The following GPR26 variants were observed in gnomAD, a reference collection of about 807,000 sequenced individuals.
The protein encoded by GPR26 is G protein-coupled receptor 26.
A neutral mutation model predicts 23.1 loss-of-function variants in GPR26; 15 were observed. That is an observed-to-expected ratio of 0.65 (90% CI 0.43 to 1.00). GPR26 has a LOEUF of 1.00. GPR26 is among the 50% of genes least tolerant of loss of function. The pLI is 0.00. For missense variants in GPR26, 359 were observed against 470.5 expected (o/e 0.76, Z 2.19); for synonymous variants, 228 against 222.1 (o/e 1.03, Z -0.24).
chr10:123,673,957 TTTG>T (rs1165722380), intron 1 of GPR26, among the ~76,000 whole-genome samples: 3 of 151,918 alleles, frequency 2.0e-5, no homozygotes, highest in Non-Finnish European at 4.4e-5. Context: ...TTTCTTCTTT[TTTG>T]TTGTTGTCGT....
In GPR26 at chr10:123,666,530, G is replaced by C. The variant is rs1427549866; in HGVS notation, c.123G>C (p.Pro41=). ...LHSADIRRQA[P]ALFTLNLTCG... is the part of the protein sequence containing the mutation. ...GCGCGGACATCCGCCGCCAGGCGCC[G>C]GCGCTCTTCACCCTGAACCTCACGT... Residue 41 remains proline, a synonymous_variant, in exon 1 of 3, where the codon CCG becomes CCC. Transcript: ENST00000284674. The C allele has an allele frequency of 4.4e-6, 7 of 1,587,456 alleles. No individual in the cohort carries two copies. In the African/African-American group the frequency reaches 5.4e-5, roughly 12 times the overall value.
intron 2 of GPR26, among the ~76,000 whole-genome samples, chr10:123,681,253 G>A (rs545600283): frequency 1.4e-4 from 21 of 152,210 alleles, no homozygotes; most frequent in Non-Finnish European, 1.8e-4. Context: ...ACCGGCGGCC[G>A]TGCCCAGCCC....
rs976883447 is a variant in GPR26, at chr10:123,689,419, G to C, written c.*1259G>C. 6.6e-6 allele frequency: 1 copy of C among 152,164 alleles called. No individual in the cohort carries two copies. Among genetic ancestry groups the C allele is most frequent in the Admixed American group, 6.6e-5 (1 of 15,266 alleles). The allele number at this position is 152,164 out of a possible 1,614,324, so 9.4% of individuals were successfully genotyped here. A position where few individuals can be genotyped will look rare whatever the true frequency, so the allele number is the denominator to read the frequency against. ...TAAAACACATGCCAATCTGTTAGCA[G>C]TCCTGACTTGATTTAATAAAAACCA... On this transcript the variant is annotated 3_prime_UTR_variant, in exon 3 of 3. Transcript: ENST00000284674.
rs1402902006 is a variant in GPR26, at chr10:123,690,418, C to G, written c.*2258C>G. On this transcript the variant is annotated 3_prime_UTR_variant, in exon 3 of 3. Coordinates refer to ENST00000284674, the MANE Select transcript of GPR26 (RefSeq NM_153442.4). ...TGGGAGAATAACTGTGGCACATGCT[C>G]TTTCTGCTTTCTCTGTACTGTATAG... The G allele has an allele frequency of 6.6e-6, 1 of 152,236 alleles. No individual in the cohort carries two copies. Among genetic ancestry groups the G allele is most frequent in the African/African-American group, 2.4e-5 (1 of 41,444 alleles). The allele number at this position is 152,236 out of a possible 1,614,324, so 9.4% of individuals were successfully genotyped here. A position where few individuals can be genotyped will look rare whatever the true frequency, so the allele number is the denominator to read the frequency against.
chr10:123,670,144 C>T (rs73379621), intron 1 of GPR26, among the ~76,000 whole-genome samples: 1,554 of 152,304 alleles, frequency 0.01, 29 homozygotes, highest in African/African-American at 0.036. Flanking sequence ...GGAGCTTCCT[C>T]TGAGGCTGCC....
At position 123,688,012 on chromosome 10, in the gene GPR26, C is replaced by T. The variant is rs1845447682; in HGVS notation, c.866C>T (p.Ser289Phe). Residue 289 changes from serine to phenylalanine, a missense_variant, in exon 3 of 3, where the codon TCC (serine) becomes TTC (phenylalanine). By Grantham distance (155) the Ser-to-Phe change is radical (BLOSUM62 -2). Coordinates refer to ENST00000284674, the MANE Select transcript of GPR26 (RefSeq NM_153442.4). The stretch of plus-strand genomic sequence containing the variant: ...TGCTTGGCGTACAGCAAGGCCGCAT[C>T]CGACCCCTTTGTGTACTCCTTACTG... ...SKCLAYSKAA[S>F]DPFVYSLLRH... The T allele has an allele frequency of 3.1e-6, 5 of 1,614,014 alleles. No homozygotes were observed. The highest frequency in any genetic ancestry group is 1.7e-5 in the Admixed American group (1 of 60,028).
chr10:123,671,314 C>T (rs986504791), intron 1 of GPR26, among the ~76,000 whole-genome samples: 3 of 152,220 alleles, frequency 2.0e-5, no homozygotes, highest in Non-Finnish European at 4.4e-5. Context: ...ACATCTCTTC[C>T]ACCCCACATG....
chr10:123,685,150 G>C (rs1845417613), intron 2 of GPR26, among the ~76,000 whole-genome samples: 1 of 152,164 alleles, frequency 6.6e-6, no homozygotes, highest in Non-Finnish European at 1.5e-5. Context: ...CTACTGACAT[G>C]TGACTGGGCA....
chr10:123,683,701 C>A (rs1431912153), intron 2 of GPR26, among the ~76,000 whole-genome samples: 1 of 152,186 alleles, frequency 6.6e-6, no homozygotes, highest in Non-Finnish European at 1.5e-5. Flanking sequence ...GCCAGTCCCC[C>A]ACATCAGAGG....
chr10:123,671,941 G>A (rs1328328708), intron 1 of GPR26, among the ~76,000 whole-genome samples: 1 of 152,196 alleles, frequency 6.6e-6, no homozygotes, highest in Non-Finnish European at 1.5e-5. Context: ...AGTGCAAAGT[G>A]ATGTTGTTCT....
rs547694030 is a variant in GPR26 at position 123,667,438 on chromosome 10, T to C, written c.668+363T>C. On this transcript the variant is annotated intron_variant, in intron 1 of 2. Transcript: ENST00000284674. Reference sequence around the variant, plus strand: ...CCCTATTAAAGACCTTCAAAGTGTTTGATTCTGGCCGAGAGGGCGGCCTCG... The same window carrying C: ...CCCTATTAAAGACCTTCAAAGTGTTCGATTCTGGCCGAGAGGGCGGCCTCG... Among the ~76,000 whole-genome samples, 12 of 152,264 alleles carry C rather than the reference T, an allele frequency of 7.9e-5. No homozygotes were observed. The East Asian group carries it at 2.1e-3, about 27-fold the overall frequency.
chr10:123,667,138 T>A (rs958569033), intron 1 of GPR26, 63 bp downstream of exon 1: 8 of 1,237,006 alleles, frequency 6.5e-6, no homozygotes, highest in Admixed American at 5.4e-5. Context: ...GAGTGGGAGG[T>A]CCCTAGCCCC....
chr10:123,668,455 G>A lies in GPR26; in HGVS notation c.668+1380G>A, dbSNP rs188317242. 2.6e-5 allele frequency among the ~76,000 whole-genome samples: 4 copies of A among 152,308 alleles called. No homozygotes were observed. In the East Asian group the frequency reaches 5.8e-4, roughly 22 times the overall value. On this transcript the variant is annotated intron_variant, in intron 1 of 2. Coordinates refer to ENST00000284674, the MANE Select transcript of GPR26 (RefSeq NM_153442.4). ...CACATAGATACCAGGCCATGTAAAC[G>A]TGGGAGCTCCACACACAATCTCATG...
At chr10:123,685,339 G>C (rs1164561913) in intron 2 of GPR26, among the ~76,000 whole-genome samples, 1 of 152,194 alleles carries the variant, frequency 6.6e-6, no homozygotes, top group Non-Finnish European at 1.5e-5. Context: ...TGGCAATATC[G>C]AAACCCTTGC....
intron 2 of GPR26, among the ~76,000 whole-genome samples, chr10:123,682,095 A>G: frequency 6.6e-6 from 1 of 152,204 alleles, no homozygotes; most frequent in East Asian, 1.9e-4. Flanking sequence ...CCACATGTGT[A>G]TGTTTTCGGC....
In GPR26 at chr10:123,694,575, A is replaced by C. The variant is rs1215315610; in HGVS notation, c.*6415A>C. ...AAGCAAGACAGAAAAGAAGGAAGAGAGAAGGAAGAATGGCAAAGGAAGGAA... is the reference window on the plus strand; with the variant it reads ...AAGCAAGACAGAAAAGAAGGAAGAGCGAAGGAAGAATGGCAAAGGAAGGAA... On this transcript the variant is annotated 3_prime_UTR_variant, in exon 3 of 3. Coordinates refer to ENST00000284674, the MANE Select transcript of GPR26 (RefSeq NM_153442.4). 1 of 151,898 alleles carries C rather than the reference A, an allele frequency of 6.6e-6. No homozygotes were observed. The highest frequency in any genetic ancestry group is 2.4e-5 in the African/African-American group (1 of 41,334). The allele number at this position is 151,898 out of a possible 1,614,324, so 9.4% of individuals were successfully genotyped here. A position where few individuals can be genotyped will look rare whatever the true frequency, so the allele number is the denominator to read the frequency against.
chr10:123,685,323 T>A (rs1482403739), intron 2 of GPR26, among the ~76,000 whole-genome samples: 1 of 152,118 alleles, frequency 6.6e-6, no homozygotes, highest in Non-Finnish European at 1.5e-5. Flanking sequence ...TAGAAAGAAG[T>A]CGTTGTGGCA....
intron 2 of GPR26, among the ~76,000 whole-genome samples, chr10:123,676,725 C>T (rs1163962123): frequency 1.3e-5 from 2 of 152,186 alleles, no homozygotes; most frequent in African/African-American, 2.4e-5. Context: ...TGGCAGAGGA[C>T]TTAGCAGCAT....
At chr10:123,686,245 C>T (rs975372044) in intron 2 of GPR26, among the ~76,000 whole-genome samples, 3 of 152,202 alleles carry the variant, frequency 2.0e-5, no homozygotes, top group Non-Finnish European at 4.4e-5. Flanking sequence ...AATTTGGCAT[C>T]GCATAGCAAC....
Sources: allele counts gnomAD v4.1 joint callset (sites outside exome capture counted in the v4.1 genomes callset), GRCh38; gene constraint gnomAD v4.1.1; transcripts MANE v1.5; gene names NCBI Gene and HGNC (gene_info 2026-07-23, HGNC 2026-07-21).